Variants in DPP6 observed in about 807,000 individuals in gnomAD.
The protein encoded by DPP6 is dipeptidyl peptidase like 6, also known as A-type potassium channel modulatory protein DPP6.
Under a neutral mutation model 122.6 loss-of-function variants are expected in DPP6, and 69 were observed. That is an observed-to-expected ratio of 0.56 (90% CI 0.46 to 0.69). DPP6 has a LOEUF of 0.69. Ranked by LOEUF, DPP6 falls within the 30% of genes least tolerant of loss-of-function variation. The pLI, the probability that DPP6 is intolerant of heterozygous loss-of-function variation, is 0.00. For synonymous variants in DPP6, 418 were observed against 433.1 expected (o/e 0.97, Z 0.43); for missense variants, 928 against 1,116.9 (o/e 0.83, Z 2.41).
At chr7:153,987,204 A>G (rs977033981) in intron 1 of DPP6, among the ~76,000 whole-genome samples, 1 of 152,208 alleles carries the variant, frequency 6.6e-6, no homozygotes, top group Non-Finnish European at 1.5e-5. Flanking sequence ...AGAACTCTCA[A>G]TGAGGAGAAG....
chr7:154,121,525 T>G (rs145284110), intron 1 of DPP6, among the ~76,000 whole-genome samples: 3,148 of 152,372 alleles, frequency 0.021, 40 homozygotes, highest in Non-Finnish European at 0.031. Context: ...GGTTTCCTCC[T>G]TAATACTTTG....
intron 1 of DPP6, among the ~76,000 whole-genome samples, chr7:153,979,947 C>G (rs1391166579): frequency 2.0e-5 from 3 of 152,078 alleles, no homozygotes; most frequent in Admixed American, 1.3e-4. Flanking sequence ...TTCAGTTTGC[C>G]AGTATTTTAT....
At chr7:154,500,565 G>C (rs1192991698) in intron 3 of DPP6, among the ~76,000 whole-genome samples, 1 of 152,132 alleles carries the variant, frequency 6.6e-6, no homozygotes, top group African/African-American at 2.4e-5. Flanking sequence ...CATGAGATCT[G>C]ATGGTTTTAA....
chr7:154,441,226 A>G (rs899844827), intron 1 of DPP6, among the ~76,000 whole-genome samples: 1 of 152,182 alleles, frequency 6.6e-6, no homozygotes, highest in Non-Finnish European at 1.5e-5. Flanking sequence ...AAGTTGGAGG[A>G]TCACAAGTGG....
chr7:153,782,082 C>A, the DPP6 span, among the ~76,000 whole-genome samples: 1 of 150,966 alleles, frequency 6.6e-6, no homozygotes, highest in African/African-American at 2.4e-5. Context: ...CCATGGTTTT[C>A]TCTTCAACGT....
chr7:154,659,292 T>C (rs1324661270), intron 6 of DPP6, among the ~76,000 whole-genome samples: 1 of 152,240 alleles, frequency 6.6e-6, no homozygotes, highest in Non-Finnish European at 1.5e-5. Context: ...ATCTGACATA[T>C]TACTGGGCCT....
intron 10 of DPP6, among the ~76,000 whole-genome samples, chr7:154,778,566 A>C (rs1006728699): frequency 1.9e-4 from 27 of 143,976 alleles, no homozygotes; most frequent in African/African-American, 7.4e-4. Context: ...CCCCCCCCCA[A>C]AAAAAACCAC....
chr7:153,948,520 T>C (rs1802051856), intron 1 of DPP6, among the ~76,000 whole-genome samples: 1 of 152,096 alleles, frequency 6.6e-6, no homozygotes, highest in Admixed American at 6.5e-5. Flanking sequence ...AATAACCAGC[T>C]TCCAGGCTCC....
chr7:154,104,583 A>C (rs148003472), intron 1 of DPP6, among the ~76,000 whole-genome samples: 105 of 152,388 alleles, frequency 6.9e-4, no homozygotes, highest in Non-Finnish European at 1.1e-3. Flanking sequence ...GACATGGGAC[A>C]TGTGGTATTT....
At chr7:154,249,018 G>T (rs1802178481) in intron 1 of DPP6, among the ~76,000 whole-genome samples, 1 of 152,236 alleles carries the variant, frequency 6.6e-6, no homozygotes, top group African/African-American at 2.4e-5. Context: ...GGGTTACCCA[G>T]ATCCTAGAAT....
intron 1 of DPP6, among the ~76,000 whole-genome samples, chr7:154,148,639 G>A (rs1796243082): frequency 6.6e-6 from 1 of 152,292 alleles, no homozygotes; most frequent in African/African-American, 2.4e-5. Flanking sequence ...CTCACAGCCT[G>A]CTCACTACTA....
chr7:154,532,677 C>A (rs1339505448), intron 3 of DPP6, among the ~76,000 whole-genome samples: 1 of 151,844 alleles, frequency 6.6e-6, no homozygotes, highest in Non-Finnish European at 1.5e-5. Context: ...TAAAGCATAA[C>A]CTGTTATCTT....
In DPP6 at chr7:153,942,250, G is replaced by T. The variant is rs1377497878; in HGVS notation, c.51+54516G>T. On this transcript the variant is annotated intron_variant, in intron 1 of 25. Coordinates refer to the DPP6 transcript ENST00000404039. ...CCCCACGCCTGGCATCCTGCCAATGGCCATCCTTCCCAGGGCTGGATTTTG... is the reference window on the plus strand; with the variant it reads ...CCCCACGCCTGGCATCCTGCCAATGTCCATCCTTCCCAGGGCTGGATTTTG... 4.6e-5 allele frequency among the ~76,000 whole-genome samples: 7 copies of T among 152,236 alleles called. No individual in the cohort carries two copies. The South Asian group carries it at 1.4e-3, about 31-fold the overall frequency.
At chr7:154,724,608 T>C (rs1198400521) in intron 7 of DPP6, among the ~76,000 whole-genome samples, 1 of 152,164 alleles carries the variant, frequency 6.6e-6, no homozygotes, top group Non-Finnish European at 1.5e-5. Context: ...CCCATTGCCT[T>C]TGGGACACCT....
rs578237377 is a variant in DPP6, at chr7:154,758,692, A to G, written c.884-10725A>G. 3.9e-5 allele frequency among the ~76,000 whole-genome samples: 6 copies of G among 152,336 alleles called. No individual in the cohort carries two copies. The East Asian group carries it at 1.2e-3, about 29-fold the overall frequency. Reference sequence around the variant, plus strand: ...TGGCCAAAATACAGATTATTTTAAAAAAGACATTGAATGTTTAGAACTGAA... The same window carrying G: ...TGGCCAAAATACAGATTATTTTAAAGAAGACATTGAATGTTTAGAACTGAA... On this transcript the variant is annotated intron_variant, in intron 8 of 25. Coordinates refer to ENST00000377770, the MANE Select transcript of DPP6 (RefSeq NM_130797.4).
intron 10 of DPP6, among the ~76,000 whole-genome samples, chr7:154,785,409 T>C (rs190419795): frequency 6.0e-4 from 92 of 152,368 alleles, no homozygotes; most frequent in African/African-American, 1.7e-3. Flanking sequence ...CTTTTTATGA[T>C]AGACAAGAAT....
chr7:154,289,791 AC>A (rs1199443218), intron 1 of DPP6, among the ~76,000 whole-genome samples: 1 of 152,070 alleles, frequency 6.6e-6, no homozygotes, highest in Non-Finnish European at 1.5e-5. Context: ...TAACATCCCA[AC>A]CCCAGCGTCT....
At chr7:154,578,863 C>T (rs1303926039) in intron 5 of DPP6, among the ~76,000 whole-genome samples, 3 of 152,168 alleles carry the variant, frequency 2.0e-5, no homozygotes, top group Non-Finnish European at 2.9e-5. Flanking sequence ...CAGGGTTATT[C>T]TTCCAATGGC....
chr7:154,115,606 G>A (rs910649123), intron 1 of DPP6, among the ~76,000 whole-genome samples: 7 of 152,276 alleles, frequency 4.6e-5, no homozygotes, highest in Admixed American at 3.3e-4. Context: ...AAGTTCACAC[G>A]GACTGTAAAT....
Sources: allele counts gnomAD v4.1 joint callset (sites outside exome capture counted in the v4.1 genomes callset), GRCh38; gene constraint gnomAD v4.1.1; transcripts MANE v1.5; gene names NCBI Gene and HGNC (gene_info 2026-07-23, HGNC 2026-07-21).